The following DOCK9 variants were observed in gnomAD, a reference collection of about 807,000 sequenced individuals.
The protein encoded by DOCK9 is dedicator of cytokinesis protein 9.
In DOCK9, 89 loss-of-function variants were observed where a neutral mutation model predicts 263.3. That is an observed-to-expected ratio of 0.34 (90% CI 0.28 to 0.40). The LOEUF (loss-of-function observed/expected upper bound fraction) is 0.40, where lower values mean the gene tolerates loss of function less well. DOCK9 is among the 10% of genes least tolerant of loss of function. DOCK9 has a pLI of 1.00. For missense variants in DOCK9, 2,140 were observed against 2,603.4 expected, an observed-to-expected ratio of 0.82 and a Z score of 3.87; for synonymous variants, 976 against 973.1, an observed-to-expected ratio of 1.00 and a Z score of -0.06.
intron 1 of DOCK9, among the ~76,000 whole-genome samples, chr13:98,984,151 A>C (rs1488569540): frequency 1.3e-5 from 2 of 152,356 alleles, no homozygotes; most frequent in East Asian, 3.9e-4. Flanking sequence ...TCCTTCACTC[A>C]TAGAACAAGG....
intron 1 of DOCK9, among the ~76,000 whole-genome samples, chr13:99,059,567 C>G (rs1456080367): frequency 6.6e-6 from 1 of 152,178 alleles, no homozygotes; most frequent in African/African-American, 2.4e-5. Flanking sequence ...GAATGATCTT[C>G]CCAAAATACA....
chr13:98,926,332 A>G (rs1372044174), intron 3 of DOCK9, among the ~76,000 whole-genome samples: 1 of 152,220 alleles, frequency 6.6e-6, no homozygotes, highest in Non-Finnish European at 1.5e-5. Flanking sequence ...TAATATTAGA[A>G]CTAGCTAGCT....
At chr13:98,823,015 T>C (rs1252088640) in intron 45 of DOCK9, among the ~76,000 whole-genome samples, 5 of 151,846 alleles carry the variant, frequency 3.3e-5, no homozygotes, top group African/African-American at 4.8e-5. Context: ...ATATTTACAA[T>C]ACTAGATATG....
At chr13:99,027,752 G>A (rs1886917215) in intron 1 of DOCK9, among the ~76,000 whole-genome samples, 1 of 151,972 alleles carries the variant, frequency 6.6e-6, no homozygotes, top group South Asian at 2.1e-4. Context: ...GGAGGAAAGT[G>A]GTATAGCTCA....
intron 1 of DOCK9, among the ~76,000 whole-genome samples, chr13:99,077,974 G>A (rs575329074): frequency 6.6e-6 from 1 of 152,304 alleles, no homozygotes; most frequent in African/African-American, 2.4e-5. Context: ...GTTCTTGAAT[G>A]AGGAAGGCAA....
chr13:98,925,950 T>C (rs2052878600), intron 3 of DOCK9, 31 bp from the exon 4 acceptor site: 2 of 1,503,088 alleles, frequency 1.3e-6, no homozygotes, highest in Non-Finnish European at 1.8e-6. Context: ...AAATAGAAAA[T>C]AAAAAACAGA....
At chr13:98,942,459 C>T (rs1239668660) in intron 2 of DOCK9, among the ~76,000 whole-genome samples, 2 of 152,068 alleles carry the variant, frequency 1.3e-5, no homozygotes, top group East Asian at 1.9e-4. Context: ...AGGATGGTCT[C>T]GATCTCCTGA....
chr13:98,990,660 G>A (rs1265914713), intron 1 of DOCK9, among the ~76,000 whole-genome samples: 8 of 152,178 alleles, frequency 5.3e-5, no homozygotes, highest in African/African-American at 2.4e-5. Context: ...TTATCTCAGG[G>A]ACACACATCC....
chr13:98,995,242 T>A (rs1173109215), intron 1 of DOCK9, among the ~76,000 whole-genome samples: 4 of 152,164 alleles, frequency 2.6e-5, no homozygotes, highest in Non-Finnish European at 5.9e-5. Context: ...TGGGGTGTCG[T>A]GTGAAGTAAA....
chr13:98,821,583 A>T (rs572144050), intron 45 of DOCK9, among the ~76,000 whole-genome samples: 1 of 152,170 alleles, frequency 6.6e-6, no homozygotes, highest in Non-Finnish European at 1.5e-5. Context: ...TCAGAACTAC[A>T]TGGGCCATGG....
At position 98,885,052 on chromosome 13, in the gene DOCK9, C is replaced by T; in HGVS notation, c.2301G>A (p.Val767=). The change falls in exon 21 of 53, where the codon GTG becomes GTA. Residue 767 remains valine (V), a synonymous_variant. Transcript: ENST00000682017. ...CCGGGATGTGCTGCTCGCTTGTCAC[C>T]ACCCTTCCGTCTTTCAGGAGGGGAA... ...SWLPLLKDGR[V]VTSEQHIPVS... 6.2e-7 allele frequency: 1 copy of T among 1,613,594 alleles called. No homozygotes were observed. The highest frequency in any genetic ancestry group is 2.2e-5 in the East Asian group (1 of 44,864).
chr13:98,855,730 A>C (rs1403256942), intron 34 of DOCK9, among the ~76,000 whole-genome samples, 168 bp downstream of exon 34: 1 of 152,172 alleles, frequency 6.6e-6, no homozygotes, highest in Non-Finnish European at 1.5e-5. Flanking sequence ...GAGCACTTCA[A>C]GGAATGGGCC....
At chr13:98,810,129 TG>T (rs1250154431) in intron 46 of DOCK9, 39 bp downstream of exon 46, 4 of 1,612,822 alleles carry the variant, frequency 2.5e-6, no homozygotes, top group Non-Finnish European at 3.4e-6. Flanking sequence ...CACAGCGTCA[TG>T]CTCTCAAATA....
At chr13:98,903,410 A>C (rs2048597998) in intron 10 of DOCK9, among the ~76,000 whole-genome samples, 1 of 151,990 alleles carries the variant, frequency 6.6e-6, no homozygotes, top group East Asian at 1.9e-4. Context: ...TGGCTAACCC[A>C]GTGAGACCCC....
chr13:98,866,939 A>G, intron 30 of DOCK9: 1 of 244,134 alleles, frequency 4.1e-6, no homozygotes, highest in South Asian at 4.6e-5. Flanking sequence ...AAGTTTAAAA[A>G]TTGATCAAAT....
At position 98,958,649 on chromosome 13, in the gene DOCK9, G is replaced by A. The variant is rs147515078; in HGVS notation, c.127-3098C>T. Among the ~76,000 whole-genome samples the A allele has an allele frequency of 3.2e-3, 487 of 152,340 alleles. 2 individuals carry two copies. Among genetic ancestry groups the A allele is most frequent in the Middle Eastern group, 6.8e-3 (2 of 294 alleles). ...TAAAAACAGGCAGCAGCCAGATTTTGCCCAAGGGCACAGCCTGCTTTAGAG... is the reference window on the plus strand; with the variant it reads ...TAAAAACAGGCAGCAGCCAGATTTTACCCAAGGGCACAGCCTGCTTTAGAG... On this transcript the variant is annotated intron_variant, in intron 1 of 52. Transcript: ENST00000682017.
chr13:98,956,905 T>C (rs1225843937), intron 1 of DOCK9, among the ~76,000 whole-genome samples: 1 of 152,258 alleles, frequency 6.6e-6, no homozygotes, highest in African/African-American at 2.4e-5. Context: ...ATATTTCGTA[T>C]GTGGCATCCA....
At chr13:98,941,413 T>A (rs972562218) in intron 2 of DOCK9, among the ~76,000 whole-genome samples, 28 of 152,208 alleles carry the variant, frequency 1.8e-4, no homozygotes, top group Non-Finnish European at 3.4e-4. Flanking sequence ...AAGTCAGATT[T>A]CAGTAGACTT....
chr13:98,888,840 T>G, intron 15 of DOCK9, 129 bp from the exon 16 acceptor site: 1 of 733,852 alleles, frequency 1.4e-6, no homozygotes, highest in Non-Finnish European at 2.2e-6. Context: ...AGTAGCCTCA[T>G]GAAAAACAGC....
Sources: gnomAD v4.1 joint callset for allele counts (sites outside exome capture counted in the v4.1 genomes callset) on GRCh38, gnomAD v4.1.1 for gene constraint, MANE v1.5 for transcripts, NCBI Gene and HGNC (gene_info 2026-07-23, HGNC 2026-07-21) for gene names.